The following DENND10 variants were observed in gnomAD, a reference collection of about 807,000 sequenced individuals.
DENND10 encodes DENN domain-containing protein 10.
Under a neutral mutation model 43.6 loss-of-function variants are expected in DENND10, and 24 were observed. The ratio of observed to expected loss-of-function variants is 0.55; its 90% CI spans 0.40 to 0.77. The LOEUF (loss-of-function observed/expected upper bound fraction) is 0.77, where lower values mean the gene tolerates loss of function less well. Among genes scored for constraint, DENND10 ranks in the 30% least tolerant of loss-of-function variants. The pLI, the probability that DENND10 is intolerant of heterozygous loss-of-function variation, is 0.00. For synonymous variants in DENND10, 125 were observed against 157.6 expected, an observed-to-expected ratio of 0.79 and a Z score of 1.55; for missense variants, 303 against 429.9, an observed-to-expected ratio of 0.70 and a Z score of 2.61.
Position 119,135,664 on chromosome 10 carries a change from T to C in DENND10, c.898-807T>C, listed in dbSNP as rs115296734. ...GGGGCTAAGCGAGGGGAAATGGGGTTATTGTGTAATGGGTAGAGTTTCTGT... is the reference window on the plus strand; with the variant it reads ...GGGGCTAAGCGAGGGGAAATGGGGTCATTGTGTAATGGGTAGAGTTTCTGT... On this transcript the variant is annotated intron_variant, in intron 8 of 8. Transcript: ENST00000361432. 8.5e-3 allele frequency among the ~76,000 whole-genome samples: 1,284 copies of C among 151,914 alleles called. 19 individuals are homozygous for C. Among genetic ancestry groups the C allele is most frequent in the African/African-American group, 0.03 (1,233 of 41,436 alleles).
intron 5 of DENND10, among the ~76,000 whole-genome samples, chr10:119,121,037 ACTCATAGGCTCCAGTGATC>A: frequency 6.6e-6 from 1 of 152,050 alleles, no homozygotes; most frequent in South Asian, 2.1e-4. Context: ...GTGGTCTCAA[ACTCATAGGCTCCAGTGATC>A]CTCATGCCTT....
intron 5 of DENND10, among the ~76,000 whole-genome samples, chr10:119,122,199 A>G (rs996738227): frequency 6.6e-6 from 1 of 152,114 alleles, no homozygotes; most frequent in Non-Finnish European, 1.5e-5. Context: ...CCTGAGCTAC[A>G]CAGGAGGCTG....
chr10:119,135,566 G>T (rs1280708729), intron 8 of DENND10, among the ~76,000 whole-genome samples: 2 of 151,960 alleles, frequency 1.3e-5, no homozygotes, highest in East Asian at 1.9e-4. Flanking sequence ...GGTAAATGTT[G>T]TATGATTCCA....
At chr10:119,123,932 C>G (rs1344348004) in intron 6 of DENND10, among the ~76,000 whole-genome samples, 1 of 150,546 alleles carries the variant, frequency 6.6e-6, no homozygotes, top group African/African-American at 2.4e-5. Flanking sequence ...TAGCTCACAC[C>G]TGTAATTCCA....
At chr10:119,116,428 C>A (rs1276992013) in intron 3 of DENND10, among the ~76,000 whole-genome samples, 4 of 152,196 alleles carry the variant, frequency 2.6e-5, no homozygotes, top group African/African-American at 4.8e-5. Flanking sequence ...GTGCGTAAAA[C>A]TCCTTTCTCG....
At chr10:119,121,091 G>T (rs191130335) in intron 5 of DENND10, among the ~76,000 whole-genome samples, 1 of 151,702 alleles carries the variant, frequency 6.6e-6, no homozygotes, top group East Asian at 1.9e-4. Flanking sequence ...CTGGAATTAC[G>T]GGTGTGAGCC....
intron 1 of DENND10, chr10:119,104,951 A>G (rs967287151): frequency 2.6e-5 from 4 of 152,160 alleles, no homozygotes; most frequent in African/African-American, 9.7e-5. Flanking sequence ...CATGTGATCG[A>G]GCTTGTGCAT....
chr10:119,126,726 A>G (rs574823956), intron 6 of DENND10, among the ~76,000 whole-genome samples: 142 of 151,994 alleles, frequency 9.3e-4, no homozygotes, highest in Non-Finnish European at 1.0e-3. Flanking sequence ...TGACCTCCCA[A>G]AGTTCTGGGA....
At chr10:119,115,956 G>A (rs568735922) in intron 3 of DENND10, among the ~76,000 whole-genome samples, 25 of 151,802 alleles carry the variant, frequency 1.6e-4, no homozygotes, top group African/African-American at 3.4e-4. Flanking sequence ...TAGAGACAGC[G>A]TTTCACCGTG....
chr10:119,104,154 C>T lies in DENND10; in HGVS notation c.12C>T (p.Ala4=). 6.6e-7 allele frequency: 1 copy of T among 1,516,540 alleles called. No individual in the cohort carries two copies. Among genetic ancestry groups the T allele is most frequent in the Non-Finnish European group, 8.8e-7 (1 of 1,133,688 alleles). The allele number at this position is 1,516,540 out of a possible 1,614,324, so 93.9% of individuals were successfully genotyped here. A position where few individuals can be genotyped will look rare whatever the true frequency, so the allele number is the denominator to read the frequency against. Residue 4 remains alanine, a synonymous_variant, in exon 1 of 9, where the codon GCC becomes GCT. Coordinates refer to ENST00000361432, the MANE Select transcript of DENND10 (RefSeq NM_207009.4). ...CGCGGCGGCGGAAGATGGCTGCGGC[C>T]GAGGTGGCGGACACTCAGCTGATGC... MAA[A]EVADTQLMLG...
intron 6 of DENND10, among the ~76,000 whole-genome samples, chr10:119,127,019 C>T (rs1845869194): frequency 6.6e-6 from 1 of 151,758 alleles, no homozygotes; most frequent in South Asian, 2.1e-4. Flanking sequence ...CTACCCCAGC[C>T]TCCCAAGTAG....
At chr10:119,129,966 GA>G (rs1846008167) in intron 7 of DENND10, among the ~76,000 whole-genome samples, 2 of 152,008 alleles carry the variant, frequency 1.3e-5, no homozygotes, top group South Asian at 4.1e-4. Context: ...GAGTCATACA[GA>G]ACTCAGTGGT....
rs1294940031 is a variant in DENND10 at position 119,124,385 on chromosome 10, A to AT, written c.694+816_694+817insT. Among the ~76,000 whole-genome samples, 298 of 145,892 alleles carry AT rather than the reference A, an allele frequency of 2.0e-3. 3 individuals are homozygous for AT. The highest frequency in any genetic ancestry group is 7.2e-3 in the African/African-American group (285 of 39,726). ...TACTAAAATACCAAAAAAAAAAAAA[A>AT]AAAAAATTAGCCGGGTGTGGTGGTG... On this transcript the variant is annotated intron_variant, in intron 6 of 8. Transcript: ENST00000361432.
chr10:119,116,326 G>C (rs1256524492), intron 3 of DENND10, among the ~76,000 whole-genome samples: 2 of 152,116 alleles, frequency 1.3e-5, no homozygotes, highest in African/African-American at 4.8e-5. Context: ...AAGGAGTTTT[G>C]ATTTCTTAAT....
intron 3 of DENND10, among the ~76,000 whole-genome samples, chr10:119,112,563 G>A (rs1342377822): frequency 4.7e-5 from 7 of 147,910 alleles, no homozygotes; most frequent in Non-Finnish European, 1.0e-4. Context: ...CTTCATCATG[G>A]CTCACTGCAG....
Position 119,117,526 on chromosome 10 carries a change from C to G in DENND10, c.340C>G (p.Leu114Val), listed in dbSNP as rs1845348916. Reference sequence around the variant, plus strand: ...TGTTGTCCTTTCTTACAGAATGTACCTGAAACATGGGAGCCCAGTTAAAAT... The same window carrying G: ...TGTTGTCCTTTCTTACAGAATGTACGTGAAACATGGGAGCCCAGTTAAAAT... ...AFTRILCRMY[L>V]KHGSPVKMME... Residue 114 changes from leucine to valine, a missense_variant, in exon 4 of 9, where the codon CTG (leucine) becomes GTG (valine). Coordinates refer to ENST00000361432, the MANE Select transcript of DENND10 (RefSeq NM_207009.4). 2.5e-6 allele frequency: 4 copies of G among 1,612,776 alleles called. No individual in the cohort carries two copies. The Admixed American group carries it at 5.0e-5, about 20-fold the overall frequency.
At chr10:119,117,711 T>A in intron 4 of DENND10, 44 bp downstream of exon 4, 1 of 1,601,190 alleles carries the variant, frequency 6.2e-7, no homozygotes, top group Non-Finnish European at 8.5e-7. Context: ...CTCACGCCTG[T>A]AATCCCAACA....
At chr10:119,123,695 C>T (rs1259214649) in intron 6 of DENND10, 126 bp downstream of exon 6, 2 of 711,658 alleles carry the variant, frequency 2.8e-6, no homozygotes, top group Non-Finnish European at 2.4e-6. Flanking sequence ...CCGCAACGTC[C>T]GCCTTCAATT....
At chr10:119,123,631 C>T (rs1258625744) in intron 6 of DENND10, 62 bp downstream of exon 6, 27 of 1,190,732 alleles carry the variant, frequency 2.3e-5, no homozygotes, top group African/African-American at 4.8e-5. Flanking sequence ...TTTCCTGAGA[C>T]GGATTTTCAC....
Sources: allele counts gnomAD v4.1 joint callset (sites outside exome capture counted in the v4.1 genomes callset), GRCh38; gene constraint gnomAD v4.1.1; transcripts MANE v1.5; gene names NCBI Gene and HGNC (gene_info 2026-07-23, HGNC 2026-07-21).